CNTNAP2: variants seen among roughly 807,000 people sequenced by gnomAD.
The protein encoded by CNTNAP2 is contactin-associated protein-like 2.
CNTNAP2 carries 98 observed loss-of-function variants against 155.2 expected under a neutral mutation model. The ratio of observed to expected loss-of-function variants is 0.63; its 90% CI spans 0.54 to 0.75. The LOEUF (loss-of-function observed/expected upper bound fraction) is 0.75, where lower values mean the gene tolerates loss of function less well. Ranked by LOEUF, CNTNAP2 falls within the 30% of genes least tolerant of loss-of-function variation. The probability of loss-of-function intolerance (pLI) is 0.00; values close to 1 mark genes in which losing one functional copy is unlikely to be tolerated. For synonymous variants in CNTNAP2, 651 were observed against 631.2 expected, an observed-to-expected ratio of 1.03 and a Z score of -0.47; for missense variants, 1,727 against 1,688.1, an observed-to-expected ratio of 1.02 and a Z score of -0.40.
chr7:148,362,172 C>A (rs1221755728), intron 21 of CNTNAP2, among the ~76,000 whole-genome samples: 1 of 150,962 alleles, frequency 6.6e-6, no homozygotes, highest in African/African-American at 2.4e-5. Flanking sequence ...TTGACTCTAG[C>A]CTGGGCAATA....
intron 8 of CNTNAP2, among the ~76,000 whole-genome samples, chr7:147,215,432 A>G (rs1256084414): frequency 6.6e-6 from 1 of 152,144 alleles, no homozygotes; most frequent in East Asian, 1.9e-4. Flanking sequence ...ATAGTGTCAC[A>G]TGGTTGGACT....
intron 8 of CNTNAP2, among the ~76,000 whole-genome samples, chr7:147,268,265 T>A (rs1001069561): frequency 3.9e-5 from 6 of 152,194 alleles, no homozygotes; most frequent in Admixed American, 3.3e-4. Flanking sequence ...TTCACTTCAA[T>A]GTTTTTAAAT....
chr7:146,141,226 T>C (rs560684307), intron 1 of CNTNAP2, among the ~76,000 whole-genome samples: 2 of 152,312 alleles, frequency 1.3e-5, no homozygotes, highest in South Asian at 4.1e-4. Flanking sequence ...CATTTGTCGT[T>C]GTTATATTGA....
intron 10 of CNTNAP2, among the ~76,000 whole-genome samples, chr7:147,446,378 C>T (rs1797740429): frequency 6.6e-6 from 1 of 152,092 alleles, no homozygotes; most frequent in African/African-American, 2.4e-5. Flanking sequence ...TTGCTTTTAG[C>T]TGGGAGAGTC....
At chr7:146,552,694 C>T (rs769330769) in intron 1 of CNTNAP2, among the ~76,000 whole-genome samples, 3 of 152,096 alleles carry the variant, frequency 2.0e-5, no homozygotes, top group Non-Finnish European at 4.4e-5. Context: ...TGAGACCCCT[C>T]TTGGTTTGTG....
chr7:147,474,750 A>G (rs7782093), intron 10 of CNTNAP2, among the ~76,000 whole-genome samples: 3 of 151,916 alleles, frequency 2.0e-5, no homozygotes, highest in African/African-American at 7.3e-5. Context: ...AAAATGCATA[A>G]CCTGACCTAA....
intron 1 of CNTNAP2, among the ~76,000 whole-genome samples, chr7:146,518,077 T>C (rs1240039535): frequency 6.6e-6 from 1 of 151,932 alleles, no homozygotes; most frequent in East Asian, 1.9e-4. Flanking sequence ...ATAGTTCCAT[T>C]CACCCTTGCT....
At chr7:147,996,131 T>C (rs1801800147) in intron 15 of CNTNAP2, among the ~76,000 whole-genome samples, 1 of 152,238 alleles carries the variant, frequency 6.6e-6, no homozygotes, top group East Asian at 1.9e-4. Context: ...CTTGCAGATG[T>C]GGATCTGCAA....
chr7:148,285,875 T>A (rs1797072886), intron 21 of CNTNAP2, among the ~76,000 whole-genome samples: 1 of 152,214 alleles, frequency 6.6e-6, no homozygotes, highest in African/African-American at 2.4e-5. Flanking sequence ...CATACAACTT[T>A]TGGCTTTTCA....
chr7:147,443,578 C>T (rs1289562219), intron 10 of CNTNAP2, among the ~76,000 whole-genome samples: 2 of 152,092 alleles, frequency 1.3e-5, no homozygotes, highest in African/African-American at 2.4e-5. Flanking sequence ...GTTGTTAAAT[C>T]GGTGTCCTAG....
chr7:146,199,080 T>C (rs941562222), intron 1 of CNTNAP2, among the ~76,000 whole-genome samples: 1 of 152,198 alleles, frequency 6.6e-6, no homozygotes, highest in Non-Finnish European at 1.5e-5. Flanking sequence ...CAAATAATGA[T>C]GGTTGTAACT....
intron 21 of CNTNAP2, chr7:148,339,456 C>T (rs991448137): frequency 1.3e-5 from 2 of 152,280 alleles, no homozygotes; most frequent in East Asian, 1.9e-4. Context: ...CCTCACCTGC[C>T]TTTCAGTGGT....
chr7:148,099,567 C>T (rs1312664265), intron 15 of CNTNAP2, among the ~76,000 whole-genome samples: 1 of 151,932 alleles, frequency 6.6e-6, no homozygotes, highest in Non-Finnish European at 1.5e-5. Flanking sequence ...ATGAGAAGGT[C>T]CCCTTTTCCC....
intron 8 of CNTNAP2, among the ~76,000 whole-genome samples, chr7:147,155,322 C>T (rs1801902160): frequency 6.6e-6 from 1 of 152,140 alleles, no homozygotes; most frequent in Admixed American, 6.5e-5. Flanking sequence ...GACTTCTCAA[C>T]CTTCCTAACT....
chr7:147,161,024 G>A (rs1314180589), intron 8 of CNTNAP2, among the ~76,000 whole-genome samples: 1 of 152,060 alleles, frequency 6.6e-6, no homozygotes, highest in African/African-American at 2.4e-5. Flanking sequence ...GGCCAGAAAG[G>A]GACATTCAAG....
rs918662029 is a variant in CNTNAP2, at chr7:148,179,330, G to A, written c.3010+6852G>A. Among the ~76,000 whole-genome samples, 7 of 152,112 alleles carry A rather than the reference G, an allele frequency of 4.6e-5. No homozygotes were observed. The East Asian group carries it at 7.7e-4, about 17-fold the overall frequency. On this transcript the variant is annotated intron_variant, in intron 18 of 23. Coordinates refer to ENST00000361727, the MANE Select transcript of CNTNAP2 (RefSeq NM_014141.6). ...TCAAGACCAGCCTGGGCAACATAGT[G>A]AGAACTTGTCTCTACAGAAAGACAA... is the stretch of plus-strand genomic sequence containing the variant.
chr7:146,795,948 T>C (rs1289887879), intron 2 of CNTNAP2, among the ~76,000 whole-genome samples: 1 of 152,110 alleles, frequency 6.6e-6, no homozygotes, highest in Non-Finnish European at 1.5e-5. Context: ...ACATTTTATA[T>C]AAAGAAATAC....
intron 21 of CNTNAP2, among the ~76,000 whole-genome samples, chr7:148,357,159 A>G (rs1223816293): frequency 6.6e-6 from 1 of 152,120 alleles, no homozygotes; most frequent in Non-Finnish European, 1.5e-5. Flanking sequence ...ACGTAATTGA[A>G]TCATGGGGGT....
At chr7:147,733,884 G>A (rs550559019) in intron 13 of CNTNAP2, among the ~76,000 whole-genome samples, 1 of 152,184 alleles carries the variant, frequency 6.6e-6, no homozygotes, top group East Asian at 1.9e-4. Flanking sequence ...AGACTTTGCT[G>A]AAATTGCTTA....
Sources: gnomAD v4.1 joint callset for allele counts (sites outside exome capture counted in the v4.1 genomes callset) on GRCh38, gnomAD v4.1.1 for gene constraint, MANE v1.5 for transcripts, NCBI Gene and HGNC (gene_info 2026-07-23, HGNC 2026-07-21) for gene names.